Variants in KMT2A observed in about 807,000 individuals in gnomAD.
KMT2A encodes the protein lysine methyltransferase 2A.
Under a neutral mutation model 345.3 loss-of-function variants are expected in KMT2A, and 16 were observed. The observed-to-expected ratio is 0.05, with a 90% CI of 0.03 to 0.07. The LOEUF (loss-of-function observed/expected upper bound fraction) is 0.07, where lower values mean the gene tolerates loss of function less well. Among genes scored for constraint, KMT2A ranks in the 10% least tolerant of loss-of-function variants. The pLI, the probability that KMT2A is intolerant of heterozygous loss-of-function variation, is 1.00. For missense variants in KMT2A, 3,272 were observed against 4,841.6 expected (o/e 0.68, Z 9.62); for synonymous variants, 1,599 against 1,778.6 (o/e 0.90, Z 2.54).
At chr11:118,455,705 TA>T (rs1489751538) in intron 1 of KMT2A, among the ~76,000 whole-genome samples, 6 of 151,576 alleles carry the variant, frequency 4.0e-5, no homozygotes, top group Non-Finnish European at 4.4e-5. Context: ...TTTATTTATT[TA>T]TTTTTTTTTG....
At position 118,497,167 on chromosome 11, in the gene KMT2A, G is replaced by A. The variant is rs1215106040; in HGVS notation, c.5665-769G>A. On this transcript the variant is annotated intron_variant, in intron 20 of 35. Transcript: ENST00000534358. The surrounding 1 kb of genome is among the most constrained non-coding windows in gnomAD (Gnocchi z 4.8). Reference sequence around the variant, plus strand: ...TTACAGGCATGTGCCACCATGCCCGGCTAATTTTGTATTTTTAGTAGAGAC... The same window carrying A: ...TTACAGGCATGTGCCACCATGCCCGACTAATTTTGTATTTTTAGTAGAGAC... 1.3e-5 allele frequency among the ~76,000 whole-genome samples: 2 copies of A among 151,994 alleles called. No homozygotes were observed. The highest frequency in any genetic ancestry group is 4.8e-5 in the African/African-American group (2 of 41,370).
chr11:118,498,513 T>C lies in KMT2A; in HGVS notation c.5946T>C (p.Asp1982=), dbSNP rs782551612. The part of the protein sequence containing the change: ...DKKVYCQRHR[D]LIKGEVVPEN... ...AAGTATATTGCCAACGACATCGGGATTTGATCAAAGGCGAAGTGAGAGAGC... is the reference window on the plus strand; with the variant it reads ...AAGTATATTGCCAACGACATCGGGACTTGATCAAAGGCGAAGTGAGAGAGC... Residue 1982 remains aspartate (D), a synonymous_variant, in exon 22 of 36, where the codon GAT becomes GAC. Coordinates refer to ENST00000534358, the MANE Select transcript of KMT2A (RefSeq NM_001197104.2). This position sits in a 1 kb window ranked among gnomAD's most constrained non-coding sequence, Gnocchi z 4.4. The C allele has an allele frequency of 2.5e-6, 4 of 1,610,448 alleles. No homozygotes were observed. The East Asian group carries it at 8.9e-5, about 36-fold the overall frequency.
chr11:118,485,727 T>G (rs1338249622), intron 10 of KMT2A, among the ~76,000 whole-genome samples: 1 of 152,148 alleles, frequency 6.6e-6, no homozygotes, highest in Admixed American at 6.5e-5. Context: ...ATATTGCTCA[T>G]AATAATAAAA....
At position 118,521,818 on chromosome 11, in the gene KMT2A, CAA is replaced by C; in HGVS notation, c.11644-78_11644-77del. 1 of 1,462,300 alleles carries C rather than the reference CAA, an allele frequency of 6.8e-7. No homozygotes were observed. The highest frequency in any genetic ancestry group is 1.8e-5 in the Admixed American group (1 of 55,216). The allele number at this position is 1,462,300 out of a possible 1,614,324, so 90.6% of individuals were successfully genotyped here. A position where few individuals can be genotyped will look rare whatever the true frequency, so the allele number is the denominator to read the frequency against. On this transcript the variant is annotated intron_variant, in intron 35 of 35. Transcript: ENST00000534358. The surrounding 1 kb of genome is among the most constrained non-coding windows in gnomAD (Gnocchi z 5.3). The stretch of plus-strand genomic sequence containing the variant: ...CTTTCTCAGCCGCTATAGGTAACAT[CAA>C]GAGAAGATTGGGACATGTTCTTAAA...
chr11:118,474,876 T>C (rs2134275689), intron 3 of KMT2A, among the ~76,000 whole-genome samples: 1 of 151,882 alleles, frequency 6.6e-6, no homozygotes. Context: ...TGTAATCCCA[T>C]CACTTTGGGA....
At chr11:118,486,070 A>C (rs900462758) in intron 10 of KMT2A, among the ~76,000 whole-genome samples, 2 of 152,178 alleles carry the variant, frequency 1.3e-5, no homozygotes, top group African/African-American at 2.4e-5. Flanking sequence ...GCGACAGAGC[A>C]AGACTCCGTC....
At chr11:118,469,392 G>C (rs1949905490) in intron 2 of KMT2A, among the ~76,000 whole-genome samples, 1 of 152,056 alleles carries the variant, frequency 6.6e-6, no homozygotes, top group Admixed American at 6.5e-5. Context: ...GTCCACTATT[G>C]TCAAAGAACC....
At chr11:118,481,585 A>G in intron 6 of KMT2A, 130 bp from the exon 7 acceptor site, 1 of 955,040 alleles carries the variant, frequency 1.0e-6, no homozygotes, top group South Asian at 1.7e-5. Context: ...TCTCTTTGAT[A>G]TACTGATTTC....
chr11:118,518,104 G>A (rs1555052131), intron 31 of KMT2A, among the ~76,000 whole-genome samples: 2 of 152,102 alleles, frequency 1.3e-5, no homozygotes, highest in African/African-American at 4.8e-5. Context: ...ATGGATACCT[G>A]ATCCAAAATT....
chr11:118,468,365 T>C (rs1008581697), intron 1 of KMT2A, among the ~76,000 whole-genome samples: 1 of 152,362 alleles, frequency 6.6e-6, no homozygotes. Context: ...TTACTCCTTA[T>C]GTGTCTGTAG....
chr11:118,446,129 A>T (rs1220502589), intron 1 of KMT2A, among the ~76,000 whole-genome samples: 2 of 150,718 alleles, frequency 1.3e-5, no homozygotes, highest in African/African-American at 4.9e-5. Flanking sequence ...CAGGCAGATC[A>T]CTTGAGGTCA....
At position 118,496,770 on chromosome 11, in the gene KMT2A, C is replaced by G. The variant is rs1555044066; in HGVS notation, c.5664+403C>G. Among the ~76,000 whole-genome samples, 2 of 152,114 alleles carry G rather than the reference C, an allele frequency of 1.3e-5. No individual in the cohort carries two copies. Among genetic ancestry groups the G allele is most frequent in the Non-Finnish European group, 2.9e-5 (2 of 68,040 alleles). On this transcript the variant is annotated intron_variant, in intron 20 of 35. Transcript: ENST00000534358. This position sits in a 1 kb window ranked among gnomAD's most constrained non-coding sequence, Gnocchi z 4.7. The stretch of plus-strand genomic sequence containing the variant: ...CCGAGTTCTGCCGCCTGCCTGAATA[C>G]ATTTCTGTGCTTAACTGCCTACTTA...
At position 118,458,432 on chromosome 11, in the gene KMT2A, A is replaced by T; in HGVS notation, c.433-10343A>T. Among the ~76,000 whole-genome samples the T allele has an allele frequency of 1.3e-5, 2 of 152,174 alleles. 1 individual carries two copies. Among genetic ancestry groups the T allele is most frequent in the Non-Finnish European group, 2.9e-5 (2 of 68,034 alleles). On this transcript the variant is annotated intron_variant, in intron 1 of 35. Coordinates refer to ENST00000534358, the MANE Select transcript of KMT2A (RefSeq NM_001197104.2). ...AGAATCATATTGTGTAATTCTTTGA[A>T]GTCCCTCAGTATTTTCTACTATAGT...
At position 118,484,196 on chromosome 11, in the gene KMT2A, C is replaced by T. The variant is rs550235275; in HGVS notation, c.4100C>T (p.Pro1367Leu). ...QKPKEKEKPP[P>L]VNKQENAGTL... Reference sequence around the variant, plus strand: ...TTGTCTCCTTAGGAAAAACCACCTCCGGTCAATAAGCAGGAGAATGCAGGC... The same window carrying T: ...TTGTCTCCTTAGGAAAAACCACCTCTGGTCAATAAGCAGGAGAATGCAGGC... Residue 1367 changes from proline to leucine, a missense_variant, in exon 9 of 36, where the codon CCG (proline) becomes CTG (leucine). Pro to Leu is a moderately conservative substitution (Grantham distance 98, BLOSUM62 -3). Transcript: ENST00000534358. This position sits in a 1 kb window ranked among gnomAD's most constrained non-coding sequence, Gnocchi z 4.1. 39 of 1,614,062 alleles carry T rather than the reference C, an allele frequency of 2.4e-5. No individual in the cohort carries two copies. The South Asian group carries it at 3.3e-4, about 14-fold the overall frequency.
chr11:118,456,088 A>C (rs1019288258), intron 1 of KMT2A, among the ~76,000 whole-genome samples: 1 of 151,988 alleles, frequency 6.6e-6, no homozygotes, highest in Non-Finnish European at 1.5e-5. Flanking sequence ...CCACTGCCTC[A>C]GGCCCCCAAA....
rs1950442879 is a variant in KMT2A, at chr11:118,498,308, A to G, written c.5803-62A>G. On this transcript the variant is annotated intron_variant, in intron 21 of 35. Transcript: ENST00000534358. The surrounding 1 kb of genome is among the most constrained non-coding windows in gnomAD (Gnocchi z 4.4). ...AGAATGGGATGAGTCTATAGAGGAGACGGTAAACGTCTTAAAACATATGAA... is the reference window on the plus strand; with the variant it reads ...AGAATGGGATGAGTCTATAGAGGAGGCGGTAAACGTCTTAAAACATATGAA... The G allele has an allele frequency of 3.4e-6, 5 of 1,471,620 alleles. No homozygotes were observed. Among genetic ancestry groups the G allele is most frequent in the African/African-American group, 1.4e-5 (1 of 70,914 alleles). The allele number at this position is 1,471,620 out of a possible 1,614,324, so 91.2% of individuals were successfully genotyped here. A position where few individuals can be genotyped will look rare whatever the true frequency, so the allele number is the denominator to read the frequency against.
At chr11:118,459,444 C>G (rs941653683) in intron 1 of KMT2A, among the ~76,000 whole-genome samples, 1 of 152,106 alleles carries the variant, frequency 6.6e-6, no homozygotes, top group Non-Finnish European at 1.5e-5. Flanking sequence ...GTTTGAGATG[C>G]CTACCACTTA....
At chr11:118,458,683 T>A (rs567645305) in intron 1 of KMT2A, among the ~76,000 whole-genome samples, 15 of 152,356 alleles carry the variant, frequency 9.8e-5, no homozygotes, top group South Asian at 8.3e-4. Context: ...TATGTGAGCA[T>A]GTCTTTAAGG....
At chr11:118,500,856 AC>A in intron 24 of KMT2A, 130 bp from the exon 25 acceptor site, 1 of 584,008 alleles carries the variant, frequency 1.7e-6, no homozygotes, top group East Asian at 2.8e-5. Context: ...TATACTAAGA[AC>A]CCATAAAATA....
Sources: gnomAD v4.1 joint callset for allele counts (sites outside exome capture counted in the v4.1 genomes callset) on GRCh38, gnomAD v4.1.1 for gene constraint, Gnocchi (gnomAD v3.1) non-coding constraint, MANE v1.5 for transcripts, NCBI Gene and HGNC (gene_info 2026-07-23, HGNC 2026-07-21) for gene names.